The following EPHA6 variants were observed in gnomAD, a reference collection of about 807,000 sequenced individuals.
EPHA6 encodes the protein ephrin type-A receptor 6.
A neutral mutation model predicts 112.0 loss-of-function variants in EPHA6; 50 were observed. That is an observed-to-expected ratio of 0.45 (90% CI 0.36 to 0.56). The LOEUF (loss-of-function observed/expected upper bound fraction) is 0.56. Ranked by LOEUF, EPHA6 falls within the 20% of genes least tolerant of loss-of-function variation. The pLI is 0.00. For missense variants in EPHA6, 1,280 were observed against 1,417.4 expected (o/e 0.90, Z 1.56); for synonymous variants, 529 against 490.7 (o/e 1.08, Z -1.03).
At chr3:97,551,951 A>G (rs973044827) in intron 11 of EPHA6, among the ~76,000 whole-genome samples, 3 of 152,162 alleles carry the variant, frequency 2.0e-5, no homozygotes, top group Non-Finnish European at 4.4e-5. Context: ...TGTTCCCCAA[A>G]TGGAGAAACT....
chr3:97,747,137 A>G (rs1168618269), intron 16 of EPHA6, among the ~76,000 whole-genome samples: 1 of 151,948 alleles, frequency 6.6e-6, no homozygotes, highest in Non-Finnish European at 1.5e-5. Flanking sequence ...GAGTTCTCTC[A>G]ACATCCATCA....
chr3:97,025,639 T>C (rs1029598216), intron 3 of EPHA6, among the ~76,000 whole-genome samples: 6 of 152,204 alleles, frequency 3.9e-5, no homozygotes, highest in African/African-American at 1.4e-4. Flanking sequence ...GCCAGGCTAG[T>C]GTGCAGTGGC....
chr3:97,105,564 T>C (rs2047541512), intron 3 of EPHA6, among the ~76,000 whole-genome samples: 3 of 152,254 alleles, frequency 2.0e-5, no homozygotes, highest in South Asian at 4.1e-4. Flanking sequence ...GATTATTTTC[T>C]GTCTGATTGT....
intron 6 of EPHA6, among the ~76,000 whole-genome samples, chr3:97,431,547 C>T (rs12386384): frequency 0.12 from 18,779 of 151,942 alleles, 3,717 homozygotes; most frequent in African/African-American, 0.41. Context: ...TCCATATGTC[C>T]CTTGATTCGT....
chr3:97,214,522 C>T (rs1459462875), intron 3 of EPHA6, among the ~76,000 whole-genome samples: 1 of 148,730 alleles, frequency 6.7e-6, no homozygotes, highest in Non-Finnish European at 1.5e-5. Flanking sequence ...AGTGGTATTT[C>T]AATCACTGTA....
At chr3:97,239,643 T>G (rs543178494) in intron 4 of EPHA6, among the ~76,000 whole-genome samples, 1 of 151,796 alleles carries the variant, frequency 6.6e-6, no homozygotes, top group Non-Finnish European at 1.5e-5. Flanking sequence ...ATGATGAAGG[T>G]CTTTGCCCTC....
intron 15 of EPHA6, among the ~76,000 whole-genome samples, chr3:97,730,687 C>T (rs1369768189): frequency 1.3e-5 from 2 of 152,056 alleles, no homozygotes; most frequent in African/African-American, 4.8e-5. Flanking sequence ...AAACTTTCCA[C>T]AAAGAAAATG....
intron 3 of EPHA6, among the ~76,000 whole-genome samples, chr3:97,210,862 G>A (rs1362686131): frequency 6.6e-6 from 1 of 152,178 alleles, no homozygotes; most frequent in Admixed American, 6.5e-5. Context: ...AGTGGGGACT[G>A]GAGGATCTAC....
intron 3 of EPHA6, among the ~76,000 whole-genome samples, chr3:97,123,989 G>C (rs1386472572): frequency 2.0e-5 from 3 of 151,920 alleles, no homozygotes; most frequent in Non-Finnish European, 1.5e-5. Flanking sequence ...CTAAATCCAT[G>C]AGAACCAGCA....
At chr3:97,697,083 T>C (rs1460951777) in intron 14 of EPHA6, among the ~76,000 whole-genome samples, 1 of 152,154 alleles carries the variant, frequency 6.6e-6, no homozygotes, top group East Asian at 1.9e-4. Flanking sequence ...CTAAACCTCA[T>C]CAGTGAATGA....
chr3:97,067,221 C>A (rs1428568728), intron 3 of EPHA6, among the ~76,000 whole-genome samples: 1 of 152,068 alleles, frequency 6.6e-6, no homozygotes, highest in African/African-American at 2.4e-5. Flanking sequence ...TACTTTACAT[C>A]ATAAATTCAC....
At chr3:97,035,751 TAGTC>T (rs1217838549) in intron 3 of EPHA6, among the ~76,000 whole-genome samples, 2 of 152,036 alleles carry the variant, frequency 1.3e-5, no homozygotes, top group African/African-American at 4.8e-5. Context: ...CTTGATATGT[TAGTC>T]ATTTATAATG....
Position 96,878,409 on chromosome 3 carries a change from C to T in EPHA6, c.450+11520C>T, listed in dbSNP as rs569637220. 2.6e-5 allele frequency among the ~76,000 whole-genome samples: 4 copies of T among 151,828 alleles called. No homozygotes were observed. In the South Asian group the frequency reaches 6.2e-4, roughly 24 times the overall value. On this transcript the variant is annotated intron_variant, in intron 2 of 17. Transcript: ENST00000389672. ...TGTCAAGGAAAAACAGATAAAAGGG[C>T]CTTGTAAGTGATGCTAAGGCATGCC...
intron 3 of EPHA6, among the ~76,000 whole-genome samples, chr3:97,216,554 G>A (rs997616295): frequency 1.3e-5 from 2 of 152,148 alleles, no homozygotes; most frequent in Non-Finnish European, 2.9e-5. Context: ...AGGGGGATAG[G>A]CCCCTTTCAT....
In EPHA6 at chr3:97,525,070, T is replaced by A. The variant is rs958469095; in HGVS notation, c.2201-7288T>A. Among the ~76,000 whole-genome samples, 20 of 152,262 alleles carry A rather than the reference T, an allele frequency of 1.3e-4. 1 individual carries two copies. Among genetic ancestry groups the A allele is most frequent in the African/African-American group, 4.8e-4 (20 of 41,562 alleles). On this transcript the variant is annotated intron_variant, in intron 10 of 17. Coordinates refer to ENST00000389672, the MANE Select transcript of EPHA6 (RefSeq NM_001080448.3). ...CAAGATTTGGGATTTTTTCAAACAG[T>A]ATTTCTTTAAATAATGTATCTCTGT...
chr3:96,865,694 CA>C (rs57565102), intron 1 of EPHA6, among the ~76,000 whole-genome samples: 11,424 of 82,226 alleles, frequency 0.14, 879 homozygotes, highest in African/African-American at 0.33. Flanking sequence ...AAAAAACAAA[CA>C]AAAAAAAAAA....
chr3:96,859,383 A>AT (rs58615285), intron 1 of EPHA6, among the ~76,000 whole-genome samples: 32,533 of 140,900 alleles, frequency 0.23, 6,645 homozygotes, highest in African/African-American at 0.53. Context: ...ATAATGGTTA[A>AT]TTTTTTTTTT....
At chr3:96,949,711 A>T (rs1003559413) in intron 2 of EPHA6, among the ~76,000 whole-genome samples, 1 of 152,076 alleles carries the variant, frequency 6.6e-6, no homozygotes, top group Non-Finnish European at 1.5e-5. Context: ...TTAAAATCAT[A>T]TTTATTTCTC....
intron 2 of EPHA6, among the ~76,000 whole-genome samples, chr3:96,970,981 T>G (rs1297705792): frequency 6.6e-6 from 1 of 152,096 alleles, no homozygotes; most frequent in Non-Finnish European, 1.5e-5. Flanking sequence ...TAGCATAGTA[T>G]TCATATATTG....
Sources: gnomAD v4.1 joint callset for allele counts (sites outside exome capture counted in the v4.1 genomes callset) on GRCh38, gnomAD v4.1.1 for gene constraint, MANE v1.5 for transcripts, NCBI Gene and HGNC (gene_info 2026-07-23, HGNC 2026-07-21) for gene names.